Variants in FRMD4A observed in about 807,000 individuals in gnomAD.
FRMD4A encodes the protein FERM domain-containing protein 4A.
Under a neutral mutation model 129.1 loss-of-function variants are expected in FRMD4A, and 29 were observed. The ratio of observed to expected loss-of-function variants is 0.22; its 90% CI spans 0.17 to 0.31. The LOEUF is 0.31. Among genes scored for constraint, FRMD4A ranks in the 10% least tolerant of loss-of-function variants. FRMD4A has a pLI of 1.00. For synonymous variants in FRMD4A, 634 were observed against 571.6 expected (o/e 1.11, Z -1.56); for missense variants, 1,272 against 1,375.8 (o/e 0.92, Z 1.19).
At position 14,112,881 on chromosome 10, in the gene FRMD4A, C is replaced by A. The variant is rs956714141; in HGVS notation, c.45+217177G>T. Among the ~76,000 whole-genome samples, 5 of 152,148 alleles carry A rather than the reference C, an allele frequency of 3.3e-5. No individual in the cohort carries two copies. In the East Asian group the frequency reaches 7.7e-4, roughly 23 times the overall value. On this transcript the variant is annotated intron_variant, in intron 2 of 24. Transcript: ENST00000357447. The stretch of plus-strand genomic sequence containing the variant: ...CAAAAGGAAACTATGCTTCCAACTC[C>A]CCCTTCCCTCAATGTGTGTAATTAT...
intron 2 of FRMD4A, among the ~76,000 whole-genome samples, chr10:14,309,833 G>A (rs1846480040): frequency 6.6e-6 from 1 of 152,126 alleles, no homozygotes; most frequent in Non-Finnish European, 1.5e-5. Flanking sequence ...AGAATCTGTG[G>A]TGAATCCTCG....
At chr10:14,074,116 AT>A (rs894077268) in intron 2 of FRMD4A, among the ~76,000 whole-genome samples, 7 of 152,172 alleles carry the variant, frequency 4.6e-5, no homozygotes, top group African/African-American at 1.2e-4. Flanking sequence ...CTCAAAAAAA[AT>A]TTTTTTTGTT....
At chr10:14,259,495 C>A (rs566392817) in intron 2 of FRMD4A, among the ~76,000 whole-genome samples, 1 of 152,072 alleles carries the variant, frequency 6.6e-6, no homozygotes, top group Non-Finnish European at 1.5e-5. Flanking sequence ...CATACTCCTG[C>A]AAATGTAATA....
At chr10:14,024,581 G>T (rs1414157830) in intron 2 of FRMD4A, among the ~76,000 whole-genome samples, 1 of 152,244 alleles carries the variant, frequency 6.6e-6, no homozygotes, top group Non-Finnish European at 1.5e-5. Context: ...AGGCTGGACT[G>T]CTCGAGCTGT....
At chr10:14,232,294 T>C (rs1843664524) in intron 2 of FRMD4A, among the ~76,000 whole-genome samples, 1 of 152,210 alleles carries the variant, frequency 6.6e-6, no homozygotes, top group Admixed American at 6.5e-5. Flanking sequence ...TCTGTTTGTT[T>C]GTTTTTGTCC....
intron 2 of FRMD4A, among the ~76,000 whole-genome samples, chr10:14,051,799 G>T (rs973061094): frequency 2.6e-5 from 4 of 152,240 alleles, no homozygotes; most frequent in Non-Finnish European, 2.9e-5. Flanking sequence ...TCAGGAAAGG[G>T]CCCTGAGCAG....
intron 2 of FRMD4A, among the ~76,000 whole-genome samples, chr10:14,148,976 G>C (rs977089310): frequency 6.6e-6 from 1 of 152,080 alleles, no homozygotes; most frequent in Non-Finnish European, 1.5e-5. Flanking sequence ...AATTAGAAAT[G>C]AGCTATAATA....
chr10:14,301,566 A>G (rs1846187202), intron 2 of FRMD4A, among the ~76,000 whole-genome samples: 1 of 152,224 alleles, frequency 6.6e-6, no homozygotes, highest in Non-Finnish European at 1.5e-5. Flanking sequence ...CTTTTATTCA[A>G]TTGACTAAAT....
chr10:14,206,927 G>A (rs980563103), intron 2 of FRMD4A, among the ~76,000 whole-genome samples: 1 of 151,632 alleles, frequency 6.6e-6, no homozygotes, highest in Non-Finnish European at 1.5e-5. Flanking sequence ...CAATATCTCT[G>A]GAAGTAATTT....
At position 14,273,059 on chromosome 10, in the gene FRMD4A, TACACACACACAC is replaced by T. The variant is rs59318900; in HGVS notation, c.45+56987_45+56998del. On this transcript the variant is annotated intron_variant, in intron 2 of 24. Coordinates refer to ENST00000357447, the MANE Select transcript of FRMD4A (RefSeq NM_018027.5). ...GGCCAAACCCTGTCTTTACCAGAAATACACACACACACACACACACACACACACACATGCACA... is the reference window on the plus strand; with the variant it reads ...GGCCAAACCCTGTCTTTACCAGAAATACACACACACACACACACATGCACA... Among the ~76,000 whole-genome samples, 71 of 144,006 alleles carry T rather than the reference TACACACACACAC, an allele frequency of 4.9e-4. 1 individual carries two copies. In the South Asian group the frequency reaches 0.016, roughly 32 times the overall value. The allele number at this position is 144,006 out of a possible 152,430, so 94.5% of individuals were successfully genotyped here.
intron 2 of FRMD4A, among the ~76,000 whole-genome samples, chr10:13,941,213 A>G (rs1047692186): frequency 1.3e-5 from 2 of 152,102 alleles, no homozygotes; most frequent in African/African-American, 4.8e-5. Context: ...TTTCCTCCAT[A>G]CTGTTCTCAT....
intron 2 of FRMD4A, among the ~76,000 whole-genome samples, chr10:13,968,528 C>T (rs2095498857): frequency 6.6e-6 from 1 of 152,246 alleles, no homozygotes. Flanking sequence ...TCTCAGCTCA[C>T]TGCAACCTCC....
chr10:13,896,923 C>T (rs979147175), intron 2 of FRMD4A, among the ~76,000 whole-genome samples: 2 of 152,162 alleles, frequency 1.3e-5, no homozygotes, highest in South Asian at 2.1e-4. Context: ...AGGTTTAATC[C>T]GTTTATGCGT....
chr10:13,667,989 A>T (rs1007608356), intron 17 of FRMD4A: 4 of 152,218 alleles, frequency 2.6e-5, no homozygotes, highest in African/African-American at 4.8e-5. Flanking sequence ...GAATCAACAG[A>T]TCTTCCTGTT....
At chr10:14,090,574 C>G (rs931866863) in intron 2 of FRMD4A, among the ~76,000 whole-genome samples, 1 of 152,170 alleles carries the variant, frequency 6.6e-6, no homozygotes, top group Non-Finnish European at 1.5e-5. Flanking sequence ...TCCCCCCAGC[C>G]GCTCCATGCT....
chr10:13,648,998 CAT>C (rs58398589), intron 24 of FRMD4A, among the ~76,000 whole-genome samples: 7,267 of 152,174 alleles, frequency 0.048, 487 homozygotes, highest in African/African-American at 0.14. Context: ...GTATATGAAA[CAT>C]ATATTAAAGG....
At chr10:14,003,041 T>G (rs2095648255) in intron 2 of FRMD4A, among the ~76,000 whole-genome samples, 1 of 152,112 alleles carries the variant, frequency 6.6e-6, no homozygotes, top group Non-Finnish European at 1.5e-5. Context: ...GGGAGCCACT[T>G]AAGGGTTTCA....
At chr10:13,660,812 ATGGAG>A (rs2082583640) in intron 19 of FRMD4A, among the ~76,000 whole-genome samples, 1 of 152,204 alleles carries the variant, frequency 6.6e-6, no homozygotes, top group African/African-American at 2.4e-5. Flanking sequence ...TTAGACACGA[ATGGAG>A]TGAAGTCTGA....
At chr10:14,266,337 T>A (rs1461861130) in intron 2 of FRMD4A, among the ~76,000 whole-genome samples, 1 of 152,206 alleles carries the variant, frequency 6.6e-6, no homozygotes, top group Admixed American at 6.5e-5. Flanking sequence ...TAAGAACCAC[T>A]GTTTATCCCC....
Sources: gnomAD v4.1 joint callset for allele counts (sites outside exome capture counted in the v4.1 genomes callset) on GRCh38, gnomAD v4.1.1 for gene constraint, MANE v1.5 for transcripts, NCBI Gene and HGNC (gene_info 2026-07-23, HGNC 2026-07-21) for gene names.